Variants in EPB41L4A observed in about 807,000 individuals in gnomAD.
EPB41L4A encodes the protein band 4.1-like protein 4A.
In EPB41L4A, 100 loss-of-function variants were observed where a neutral mutation model predicts 108.6. That is an observed-to-expected ratio of 0.92 (90% CI 0.78 to 1.09). The LOEUF (loss-of-function observed/expected upper bound fraction) is 1.09, where lower values mean the gene tolerates loss of function less well. Ranked by LOEUF, EPB41L4A falls within the 50% of genes least tolerant of loss-of-function variation. The probability of loss-of-function intolerance (pLI) is 0.00; values close to 1 mark genes in which losing one functional copy is unlikely to be tolerated. For synonymous variants in EPB41L4A, 319 were observed against 289.0 expected (o/e 1.10, Z -1.05); for missense variants, 1,030 against 842.7 (o/e 1.22, Z -2.75).
chr5:112,339,396 A>G (rs573037996), intron 1 of EPB41L4A, among the ~76,000 whole-genome samples: 1 of 151,656 alleles, frequency 6.6e-6, no homozygotes, highest in East Asian at 1.9e-4. Context: ...TAACACACAT[A>G]AATCTAAGTA....
intron 1 of EPB41L4A, among the ~76,000 whole-genome samples, chr5:112,310,444 C>T (rs1275022018): frequency 6.6e-6 from 1 of 152,198 alleles, no homozygotes; most frequent in Non-Finnish European, 1.5e-5. Flanking sequence ...TGAGAACATG[C>T]ACCCTGTCTT....
At chr5:112,192,544 C>CGGTG (rs1561463362) in intron 17 of EPB41L4A, among the ~76,000 whole-genome samples, 1 of 152,198 alleles carries the variant, frequency 6.6e-6, no homozygotes, top group African/African-American at 2.4e-5. Flanking sequence ...GTGCATTAAA[C>CGGTG]ATTCAGAATC....
intron 12 of EPB41L4A, among the ~76,000 whole-genome samples, chr5:112,230,838 C>T (rs1186139318): frequency 1.3e-5 from 2 of 152,114 alleles, no homozygotes; most frequent in African/African-American, 2.4e-5. Flanking sequence ...ATGTTATCTT[C>T]TAGAGTTTTT....
rs538369826 is a variant in EPB41L4A, at chr5:112,281,400, G to C, written c.205-1077C>G. ...TCTAGCTTCGCCTCTCCATCTGTGG[G>C]AAGAGCAGGGCAGAAGCCAAGGAAG... On this transcript the variant is annotated intron_variant, in intron 2 of 22. Coordinates refer to ENST00000261486, the MANE Select transcript of EPB41L4A (RefSeq NM_022140.5). Among the ~76,000 whole-genome samples the C allele has an allele frequency of 1.4e-4, 21 of 152,338 alleles. 1 individual carries two copies. The South Asian group carries it at 4.3e-3, about 32-fold the overall frequency.
At chr5:112,201,648 T>G (rs1352206346) in intron 15 of EPB41L4A, among the ~76,000 whole-genome samples, 1 of 152,198 alleles carries the variant, frequency 6.6e-6, no homozygotes, top group Non-Finnish European at 1.5e-5. Context: ...TAAATTCTAA[T>G]CATCCCTGCC....
At chr5:112,307,525 G>T in intron 1 of EPB41L4A, 35 bp from the exon 2 acceptor site, 1 of 1,439,134 alleles carries the variant, frequency 6.9e-7, no homozygotes, top group Non-Finnish European at 9.8e-7. Flanking sequence ...TTTTTTAACT[G>T]CCCTTTTGTT....
intron 1 of EPB41L4A, among the ~76,000 whole-genome samples, chr5:112,338,231 T>C (rs1305220882): frequency 6.6e-6 from 1 of 152,174 alleles, no homozygotes; most frequent in African/African-American, 2.4e-5. Flanking sequence ...GTATCCCATC[T>C]CATCTGCTCT....
intron 2 of EPB41L4A, among the ~76,000 whole-genome samples, chr5:112,296,792 T>G (rs889400446): frequency 6.6e-6 from 1 of 152,102 alleles, no homozygotes; most frequent in South Asian, 2.1e-4. Flanking sequence ...CCAAAGTCCA[T>G]TGTATCATTC....
intron 1 of EPB41L4A, among the ~76,000 whole-genome samples, chr5:112,357,543 GAGA>G (rs1486298947): frequency 6.6e-6 from 1 of 152,222 alleles, no homozygotes; most frequent in Non-Finnish European, 1.5e-5. Flanking sequence ...GCCCGGTTTA[GAGA>G]AGGTTTGTAT....
chr5:112,197,634 C>A (rs1475160521), intron 15 of EPB41L4A, among the ~76,000 whole-genome samples: 2 of 152,190 alleles, frequency 1.3e-5, no homozygotes, highest in Admixed American at 6.5e-5. Flanking sequence ...GAGAGAACAG[C>A]AAAACTCCTG....
chr5:112,295,289 A>G (rs1016968464), intron 2 of EPB41L4A, among the ~76,000 whole-genome samples: 3 of 152,186 alleles, frequency 2.0e-5, no homozygotes, highest in Admixed American at 1.3e-4. Flanking sequence ...AGCTTGAGCA[A>G]TTGGGTAGAT....
chr5:112,394,938 C>A (rs1186764054), intron 1 of EPB41L4A, among the ~76,000 whole-genome samples: 1 of 152,168 alleles, frequency 6.6e-6, no homozygotes, highest in African/African-American at 2.4e-5. Context: ...AGAAATAACA[C>A]CACACATCGA....
At chr5:112,189,142 G>C (rs541782869) in intron 17 of EPB41L4A, among the ~76,000 whole-genome samples, 1 of 152,348 alleles carries the variant, frequency 6.6e-6, no homozygotes, top group East Asian at 1.9e-4. Context: ...ATTCATGCCA[G>C]AACAAACTCA....
intron 12 of EPB41L4A, among the ~76,000 whole-genome samples, chr5:112,155,368 A>AT (rs756010144): frequency 2.1e-4 from 32 of 151,742 alleles, no homozygotes; most frequent in South Asian, 1.0e-3. Context: ...TTTAGCAACA[A>AT]CCAAAAAAAA....
rs1756983783 is a variant in EPB41L4A at position 112,337,319 on chromosome 5, C to G, written c.100-29829G>C. Among the ~76,000 whole-genome samples, 3 of 152,182 alleles carry G rather than the reference C, an allele frequency of 2.0e-5. No homozygotes were observed. The South Asian group carries it at 6.2e-4, about 32-fold the overall frequency. On this transcript the variant is annotated intron_variant, in intron 1 of 22. Transcript: ENST00000261486. The stretch of plus-strand genomic sequence containing the variant: ...ACAATTCAGTCTGGTCTAACACAAT[C>G]TACTATAAAATCCGGTACCACATCC...
intron 1 of EPB41L4A, among the ~76,000 whole-genome samples, chr5:112,362,280 ATG>A (rs1466440395): frequency 4.5e-5 from 4 of 88,084 alleles, no homozygotes; most frequent in Non-Finnish European, 9.0e-5. Context: ...TAGAGCATTA[ATG>A]TTTTTTTTTT....
rs530842054 is a variant in EPB41L4A at position 112,290,708 on chromosome 5, G to C, written c.205-10385C>G. ...AAATTTGCCATGTCTTGAAACTGTAGTAATTTAAAATATACAGGTGGTTAA... is the reference window on the plus strand; with the variant it reads ...AAATTTGCCATGTCTTGAAACTGTACTAATTTAAAATATACAGGTGGTTAA... On this transcript the variant is annotated intron_variant, in intron 2 of 22. Coordinates refer to ENST00000261486, the MANE Select transcript of EPB41L4A (RefSeq NM_022140.5). Among the ~76,000 whole-genome samples, 3 of 152,234 alleles carry C rather than the reference G, an allele frequency of 2.0e-5. No individual in the cohort carries two copies. In the East Asian group the frequency reaches 5.8e-4, roughly 29 times the overall value.
intron 1 of EPB41L4A, among the ~76,000 whole-genome samples, chr5:112,355,939 C>G (rs956778555): frequency 6.6e-6 from 1 of 152,146 alleles, no homozygotes; most frequent in African/African-American, 2.4e-5. Flanking sequence ...TTTGGCCTCT[C>G]GCATCTCATG....
chr5:112,317,185 A>C (rs963541363), intron 1 of EPB41L4A, among the ~76,000 whole-genome samples: 2 of 152,156 alleles, frequency 1.3e-5, no homozygotes, highest in African/African-American at 4.8e-5. Flanking sequence ...TTTTCTCTCT[A>C]AACTTGTTAT....
Sources: gnomAD v4.1 joint callset for allele counts (sites outside exome capture counted in the v4.1 genomes callset) on GRCh38, gnomAD v4.1.1 for gene constraint, MANE v1.5 for transcripts, NCBI Gene and HGNC (gene_info 2026-07-23, HGNC 2026-07-21) for gene names.